R3HDM1: variants seen among roughly 807,000 people sequenced by gnomAD.
The protein encoded by R3HDM1 is R3H domain-containing protein 1.
In R3HDM1, 46 loss-of-function variants were observed where a neutral mutation model predicts 141.1. The ratio of observed to expected loss-of-function variants is 0.33; its 90% CI spans 0.26 to 0.42. The LOEUF (loss-of-function observed/expected upper bound fraction) is 0.42. Among genes scored for constraint, R3HDM1 ranks in the 10% least tolerant of loss-of-function variants. The pLI is 1.00. For synonymous variants in R3HDM1, 435 were observed against 472.9 expected, an observed-to-expected ratio of 0.92 and a Z score of 1.04; for missense variants, 1,184 against 1,368.3, an observed-to-expected ratio of 0.87 and a Z score of 2.12.
intron 21 of R3HDM1, among the ~76,000 whole-genome samples, chr2:135,706,854 G>A (rs1043353136): frequency 3.3e-5 from 5 of 151,880 alleles, no homozygotes; most frequent in Admixed American, 6.6e-5. Flanking sequence ...CCACAAAACC[G>A]CCATTGTCAT....
intron 1 of R3HDM1, among the ~76,000 whole-genome samples, chr2:135,589,570 G>A (rs928426288): frequency 5.3e-5 from 8 of 151,950 alleles, no homozygotes. Flanking sequence ...TTTCCAAACC[G>A]AGTTCCTCTA....
chr2:135,608,649 A>C (rs999880295), intron 3 of R3HDM1, among the ~76,000 whole-genome samples: 1 of 152,220 alleles, frequency 6.6e-6, no homozygotes, highest in Non-Finnish European at 1.5e-5. Context: ...CTAACATACT[A>C]CCAGATATTT....
At chr2:135,622,136 A>G (rs2061569593) in intron 6 of R3HDM1, 2 of 983,726 alleles carry the variant, frequency 2.0e-6, no homozygotes, top group East Asian at 1.1e-4. Context: ...AGGCGAAGAT[A>G]GCATGAATAT....
At position 135,622,728 on chromosome 2, in the gene R3HDM1, C is replaced by T; in HGVS notation, c.493C>T (p.Pro165Ser). ...EFLVNTLKNNPRDRMMLLKLE... is the reference protein window; with the variant it reads ...EFLVNTLKNNSRDRMMLLKLE... ...TTTAGTAAATACATTAAAAAACAAT[C>T]CCAGGTAAAAATTAAATTTATAAGG... The change falls in exon 7 of 27, where the codon CCC (proline) becomes TCC (serine). Residue 165 changes from proline (P) to serine (S), a missense_variant. Pro to Ser is a moderately conservative substitution (Grantham distance 74, BLOSUM62 -1). Around this residue, in one of 5 missense-constraint regions of R3HDM1, gnomAD observed 192 missense variants for 215.7 expected, o/e 0.89. Transcript: ENST00000683871. 6.3e-7 allele frequency: 1 copy of T among 1,576,938 alleles called. No individual in the cohort carries two copies. The highest frequency in any genetic ancestry group is 1.1e-5 in the South Asian group (1 of 87,172).
In R3HDM1 at chr2:135,673,469, G is replaced by A. The variant is rs771970746; in HGVS notation, c.2153-1863G>A. Among the ~76,000 whole-genome samples the A allele has an allele frequency of 2.6e-5, 4 of 152,250 alleles. No individual in the cohort carries two copies. The South Asian group carries it at 8.3e-4, about 32-fold the overall frequency. On this transcript the variant is annotated intron_variant, in intron 19 of 26. Transcript: ENST00000683871. ...GTTTTAATGGTGTTTGGAATTTGGGGTATAAATTTGAAATACTTGTCATTT... is the reference window on the plus strand; with the variant it reads ...GTTTTAATGGTGTTTGGAATTTGGGATATAAATTTGAAATACTTGTCATTT...
At position 135,531,525 on chromosome 2, in the gene R3HDM1, T is replaced by C; in HGVS notation, c.-358T>C. 3.0e-6 allele frequency: 3 copies of C among 985,560 alleles called. No homozygotes were observed. The highest frequency in any genetic ancestry group is 3.6e-6 in the Non-Finnish European group (3 of 829,910). 61.1% of individuals were successfully genotyped at this position (985,560 alleles called of 1,614,324 possible). A position where few individuals can be genotyped will look rare whatever the true frequency, so the allele number is the denominator to read the frequency against. On this transcript the variant is annotated 5_prime_UTR_variant, in exon 1 of 27. Coordinates refer to ENST00000683871, the MANE Select transcript of R3HDM1 (RefSeq NM_001378107.1). ...CTGCCGCTGGAGCCGGTGTCCGGGCTGGTGATGGGGTTAATTCCCTTTCGT... is the reference window on the plus strand; with the variant it reads ...CTGCCGCTGGAGCCGGTGTCCGGGCCGGTGATGGGGTTAATTCCCTTTCGT...
chr2:135,710,632 A>AGAC (rs1248598585), intron 23 of R3HDM1, among the ~76,000 whole-genome samples: 1 of 152,164 alleles, frequency 6.6e-6, no homozygotes, highest in Non-Finnish European at 1.5e-5. Flanking sequence ...CCTGGGCAAC[A>AGAC]AGAGTGTAAC....
At position 135,721,907 on chromosome 2, in the gene R3HDM1, A is replaced by G. The variant is rs2076732334; in HGVS notation, c.2882-17A>G. 6.2e-7 allele frequency: 1 copy of G among 1,606,086 alleles called. No homozygotes were observed. Among genetic ancestry groups the G allele is most frequent in the African/African-American group, 1.3e-5 (1 of 74,732 alleles). On this transcript the variant is annotated splice_polypyrimidine_tract_variant and intron_variant, in intron 24 of 26. Coordinates refer to ENST00000683871, the MANE Select transcript of R3HDM1 (RefSeq NM_001378107.1). ...CCGGCCTCTGGCAATAAAATAAAAT[A>G]TTTTATTGACTTTCAGGAGATTCCA...
At chr2:135,597,069 C>G in intron 1 of R3HDM1, 1 of 982,234 alleles carries the variant, frequency 1.0e-6, no homozygotes, top group South Asian at 4.7e-5. Flanking sequence ...CCTTGCCTCT[C>G]CATATAACTT....
At chr2:135,537,993 G>A (rs944913022) in intron 1 of R3HDM1, among the ~76,000 whole-genome samples, 1 of 152,130 alleles carries the variant, frequency 6.6e-6, no homozygotes. Context: ...GGAACAAACT[G>A]CAGTCACACC....
intron 2 of R3HDM1, among the ~76,000 whole-genome samples, chr2:135,604,036 G>A (rs2059844392): frequency 1.3e-5 from 2 of 152,030 alleles, no homozygotes; most frequent in African/African-American, 4.8e-5. Context: ...AAAATATATT[G>A]GAATCTTATG....
intron 24 of R3HDM1, among the ~76,000 whole-genome samples, chr2:135,717,739 T>C (rs1167591389): frequency 1.3e-5 from 2 of 152,236 alleles, no homozygotes; most frequent in African/African-American, 4.8e-5. Flanking sequence ...TCTCACACAT[T>C]GGCGGTAAGA....
chr2:135,548,778 A>G (rs916434049), intron 1 of R3HDM1, among the ~76,000 whole-genome samples: 1 of 152,218 alleles, frequency 6.6e-6, no homozygotes, highest in African/African-American at 2.4e-5. Context: ...GTATTTTATT[A>G]TATAAATACA....
At chr2:135,535,315 A>G (rs1408282460) in intron 1 of R3HDM1, among the ~76,000 whole-genome samples, 1 of 152,120 alleles carries the variant, frequency 6.6e-6, no homozygotes, top group African/African-American at 2.4e-5. Flanking sequence ...CCTGGCCAGT[A>G]TGGTGAAACC....
At chr2:135,641,397 T>C in intron 14 of R3HDM1, 139 bp from the exon 15 acceptor site, 1 of 996,502 alleles carries the variant, frequency 1.0e-6, no homozygotes, top group Non-Finnish European at 1.4e-6. Flanking sequence ...TAAGCAAACG[T>C]GGACAGTAAA....
intron 24 of R3HDM1, among the ~76,000 whole-genome samples, chr2:135,716,404 C>T (rs2076156360): frequency 6.6e-6 from 1 of 152,116 alleles, no homozygotes; most frequent in African/African-American, 2.4e-5. Flanking sequence ...AGGAGAAGTC[C>T]TCACCCTCAC....
chr2:135,680,436 T>C, intron 21 of R3HDM1, 112 bp downstream of exon 21: 1 of 1,220,500 alleles, frequency 8.2e-7, no homozygotes, highest in Non-Finnish European at 1.2e-6. Context: ...CATTCTCTAA[T>C]GTAGAATAGA....
At chr2:135,660,980 A>G (rs887828267) in intron 18 of R3HDM1, among the ~76,000 whole-genome samples, 14 of 152,170 alleles carry the variant, frequency 9.2e-5, no homozygotes, top group Non-Finnish European at 4.4e-5. Flanking sequence ...AGTAAAGGAA[A>G]TAGGGTGAGT....
chr2:135,559,519 C>T (rs1701412685), intron 1 of R3HDM1, among the ~76,000 whole-genome samples: 1 of 152,178 alleles, frequency 6.6e-6, no homozygotes, highest in Non-Finnish European at 1.5e-5. Context: ...TGCATTTCTT[C>T]TAATTTATAC....
Sources: gnomAD v4.1 joint callset for allele counts (sites outside exome capture counted in the v4.1 genomes callset) on GRCh38, gnomAD v4.1.1 for gene constraint, gnomAD v4.1.1 regional missense constraint, MANE v1.5 for transcripts, NCBI Gene and HGNC (gene_info 2026-07-23, HGNC 2026-07-21) for gene names.